Variants in ERICH2 observed in about 807,000 individuals in gnomAD.
The protein encoded by ERICH2 is glutamate-rich protein 2.
ERICH2 carries 17 observed loss-of-function variants against 17.4 expected under a neutral mutation model. That is an observed-to-expected ratio of 0.98 (90% confidence interval 0.67 to 1.47). The LOEUF (loss-of-function observed/expected upper bound fraction) is 1.47. ERICH2 is among the 40% of genes most tolerant of loss of function. The pLI is 0.00. For synonymous variants in ERICH2, 51 were observed against 61.1 expected, an observed-to-expected ratio of 0.83 and a Z score of 0.77; for missense variants, 186 against 183.2, an observed-to-expected ratio of 1.01 and a Z score of -0.09.
intron 2 of ERICH2, among the ~76,000 whole-genome samples, chr2:170,787,393 C>T (rs1701182454): frequency 6.6e-6 from 1 of 152,202 alleles, no homozygotes; most frequent in Admixed American, 6.5e-5. Context: ...TGTTAGGGAG[C>T]ATCCGGGGCA....
intron 2 of ERICH2, among the ~76,000 whole-genome samples, chr2:170,789,189 T>C (rs1204597336): frequency 1.3e-5 from 2 of 151,694 alleles, no homozygotes; most frequent in African/African-American, 4.8e-5. Flanking sequence ...GGTCTCGAAC[T>C]CCTGGCCTCA....
upstream of ERICH2, among the ~76,000 whole-genome samples, chr2:170,781,961 A>G (rs1255171212): frequency 6.6e-6 from 1 of 152,220 alleles, no homozygotes; most frequent in Admixed American, 6.5e-5. Context: ...GTGATGTACC[A>G]GAGACATTTA....
chr2:170,771,231 C>T, the ERICH2 span: 1 of 154,530 alleles, frequency 6.5e-6, no homozygotes, highest in African/African-American at 2.4e-5. This position sits in a 1 kb window ranked among gnomAD's most constrained non-coding sequence, Gnocchi z 4.8. Context: ...CTCCCTAGCC[C>T]GGTGTGCAGT....
chr2:170,795,463 T>C (rs1364968922), intron 3 of ERICH2, among the ~76,000 whole-genome samples: 1 of 152,274 alleles, frequency 6.6e-6, no homozygotes, highest in African/African-American at 2.4e-5. Context: ...TCCTACCACC[T>C]CGGCCTCTCA....
intron 2 of ERICH2, among the ~76,000 whole-genome samples, chr2:170,786,632 C>T (rs1160957247): frequency 1.3e-5 from 2 of 152,136 alleles, no homozygotes. Context: ...TGCTAAAACG[C>T]TGAACCACTC....
the ERICH2 span, among the ~76,000 whole-genome samples, chr2:170,772,714 G>C: frequency 1.3e-5 from 2 of 152,160 alleles, no homozygotes; most frequent in Non-Finnish European, 2.9e-5. Flanking sequence ...ATCATGTAAT[G>C]TTTCCCCCAC....
At chr2:170,773,431 T>C in the ERICH2 span, among the ~76,000 whole-genome samples, 3 of 152,254 alleles carry the variant, frequency 2.0e-5, no homozygotes, top group African/African-American at 7.2e-5. Flanking sequence ...GCCTGCTGAC[T>C]TCCTTAGGTA....
chr2:170,788,759 G>A (rs914655298), intron 2 of ERICH2, among the ~76,000 whole-genome samples: 2 of 151,984 alleles, frequency 1.3e-5, no homozygotes, highest in Non-Finnish European at 2.9e-5. Context: ...TTACAGGTGT[G>A]AGCAACCACA....
chr2:170,782,104 G>A (rs1270745381), upstream of ERICH2: 1 of 149,948 alleles, frequency 6.7e-6, no homozygotes, highest in Non-Finnish European at 1.4e-5. Context: ...TTTCCACAAA[G>A]AAGATACTAC....
At chr2:170,788,092 T>C (rs1379635668) in intron 2 of ERICH2, among the ~76,000 whole-genome samples, 1 of 152,214 alleles carries the variant, frequency 6.6e-6, no homozygotes, top group African/African-American at 2.4e-5. Context: ...AAATCAGTCA[T>C]ATTATATTTA....
chr2:170,788,919 T>C (rs1005923356), intron 2 of ERICH2, among the ~76,000 whole-genome samples: 1 of 150,794 alleles, frequency 6.6e-6, no homozygotes, highest in African/African-American at 2.4e-5. Context: ...GGCATAGATA[T>C]AGCCTAGCCA....
chr2:170,792,913 T>G (rs1402391196), exon 3 of ERICH2: 7 of 1,508,320 alleles, frequency 4.6e-6, no homozygotes, highest in Non-Finnish European at 6.3e-6. Flanking sequence ...AAAAATTATG[T>G]CAGATGAGTA....
chr2:170,784,622 T>C, intron 1 of ERICH2, 24 bp from the exon 7 acceptor site: 1 of 1,395,002 alleles, frequency 7.2e-7, no homozygotes, highest in Non-Finnish European at 9.4e-7. Context: ...CTCTTTTGAT[T>C]AAATTAGGTA....
chr2:170,776,385 T>A, the ERICH2 span, among the ~76,000 whole-genome samples: 4 of 152,178 alleles, frequency 2.6e-5, no homozygotes, highest in African/African-American at 9.7e-5. Context: ...TTGTTGTAGT[T>A]GTTGTTTTTT....
At chr2:170,785,440 A>C (rs913499287) in intron 2 of ERICH2, among the ~76,000 whole-genome samples, 1 of 152,082 alleles carries the variant, frequency 6.6e-6, no homozygotes, top group Non-Finnish European at 1.5e-5. Flanking sequence ...AAAACTCTTC[A>C]AGGACTGCTT....
At chr2:170,794,100 TC>T (rs1217337771) in intron 3 of ERICH2, among the ~76,000 whole-genome samples, 1 of 98,842 alleles carries the variant, frequency 1.0e-5, no homozygotes, top group African/African-American at 3.9e-5. Context: ...CTCTTTCCTT[TC>T]TTTCTTTTTT....
chr2:170,792,519 A>C (rs182201555), intron 2 of ERICH2, among the ~76,000 whole-genome samples: 2 of 152,356 alleles, frequency 1.3e-5, no homozygotes, highest in East Asian at 1.9e-4. Flanking sequence ...CTAAGTTACA[A>C]ATGAAACCTG....
chr2:170,770,420 C>T, the ERICH2 span, among the ~76,000 whole-genome samples: 33 of 152,296 alleles, frequency 2.2e-4, no homozygotes, highest in African/African-American at 7.9e-4. Flanking sequence ...ACCTGGGCTG[C>T]TCTAGCTGGG....
intron 3 of ERICH2, among the ~76,000 whole-genome samples, chr2:170,796,608 G>T (rs1031251863): frequency 1.3e-5 from 2 of 151,880 alleles, no homozygotes; most frequent in African/African-American, 4.8e-5. Context: ...GCTAATTTTT[G>T]TATTTTTTTG....
Sources: allele counts gnomAD v4.1 joint callset (sites outside exome capture counted in the v4.1 genomes callset), GRCh38; gene constraint gnomAD v4.1.1; non-coding constraint Gnocchi (gnomAD v3.1); transcripts MANE v1.5; gene names NCBI Gene and HGNC (gene_info 2026-07-23, HGNC 2026-07-21).